TPRG1: variants seen among roughly 807,000 people sequenced by gnomAD.
TPRG1 encodes the protein tumor protein p63-regulated gene 1 protein.
Under a neutral mutation model 29.3 loss-of-function variants are expected in TPRG1, and 29 were observed. That is an observed-to-expected ratio of 0.99 (90% CI 0.74 to 1.35). The LOEUF (loss-of-function observed/expected upper bound fraction) is 1.35. Among genes scored for constraint, TPRG1 ranks in the 40% most tolerant of loss-of-function variants. The pLI is 0.00. For synonymous variants in TPRG1, 130 were observed against 116.8 expected (o/e 1.11, Z -0.73); for missense variants, 327 against 335.0 (o/e 0.98, Z 0.19).
chr3:189,270,147 C>T (rs1411460717), intron 4 of TPRG1, among the ~76,000 whole-genome samples: 1 of 150,532 alleles, frequency 6.6e-6, no homozygotes. Flanking sequence ...TTTAAAATTG[C>T]TTTCTGGCTA....
intron 4 of TPRG1, among the ~76,000 whole-genome samples, chr3:189,297,345 A>G (rs576095777): frequency 6.6e-6 from 1 of 152,108 alleles, no homozygotes; most frequent in Non-Finnish European, 1.5e-5. Flanking sequence ...CATGCCTTTC[A>G]CTTCTCATTC....
At chr3:189,072,940 G>A (rs1716897761) in intron 4 of TPRG1, among the ~76,000 whole-genome samples, 1 of 152,090 alleles carries the variant, frequency 6.6e-6, no homozygotes, top group African/African-American at 2.4e-5. Context: ...ATGCTTCTGT[G>A]TATTGTTATA....
Position 189,258,936 on chromosome 3 carries a change from G to A in TPRG1, c.479+20027G>A, listed in dbSNP as rs560702497. ...CAAGCCAGTGGATCTTAGCTTGCTG[G>A]GCTCCATGCGGGTGGGATCCACTGA... On this transcript the variant is annotated intron_variant, in intron 4 of 5. Coordinates refer to ENST00000345063, the MANE Select transcript of TPRG1 (RefSeq NM_198485.4). Among the ~76,000 whole-genome samples the A allele has an allele frequency of 8.5e-5, 13 of 152,284 alleles. No individual in the cohort carries two copies. In the South Asian group the frequency reaches 2.1e-3, roughly 24 times the overall value.
intron 3 of TPRG1, among the ~76,000 whole-genome samples, chr3:189,134,491 C>T (rs558042059): frequency 4.3e-4 from 63 of 146,682 alleles, no homozygotes; most frequent in African/African-American, 1.5e-3. Flanking sequence ...TAGCTCACTG[C>T]GGCCTTGACT....
intron 4 of TPRG1, among the ~76,000 whole-genome samples, chr3:189,252,820 A>G (rs1742502042): frequency 6.6e-6 from 1 of 152,212 alleles, no homozygotes; most frequent in African/African-American, 2.4e-5. Context: ...TTTCATTTAA[A>G]GAGTTTTAAA....
intron 4 of TPRG1, among the ~76,000 whole-genome samples, chr3:189,033,844 G>A (rs1714092228): frequency 6.6e-6 from 1 of 152,112 alleles, no homozygotes; most frequent in African/African-American, 2.4e-5. Context: ...CCAAAGTGCT[G>A]GGATTACAGG....
intron 4 of TPRG1, among the ~76,000 whole-genome samples, chr3:189,024,918 G>A (rs537273419): frequency 8.5e-5 from 13 of 152,344 alleles, no homozygotes; most frequent in Admixed American, 2.6e-4. Flanking sequence ...CAGGGGCTTC[G>A]TCCCATCTCA....
intron 4 of TPRG1, among the ~76,000 whole-genome samples, chr3:189,257,719 T>C (rs1408347055): frequency 6.6e-6 from 1 of 152,226 alleles, no homozygotes; most frequent in African/African-American, 2.4e-5. Flanking sequence ...CATCCTTTTT[T>C]CTCTAATCTT....
intron 3 of TPRG1, among the ~76,000 whole-genome samples, chr3:189,010,640 G>A (rs1486767254): frequency 6.6e-6 from 1 of 151,800 alleles, no homozygotes; most frequent in Non-Finnish European, 1.5e-5. Context: ...TTTTTCTTTT[G>A]TAAATATGTT....
intron 1 of TPRG1, among the ~76,000 whole-genome samples, chr3:188,997,336 C>T (rs1452282031): frequency 6.6e-6 from 1 of 152,074 alleles, no homozygotes; most frequent in East Asian, 1.9e-4. Flanking sequence ...TGTCACTTTT[C>T]CCCTGGGGCT....
intron 5 of TPRG1, among the ~76,000 whole-genome samples, chr3:189,319,946 G>A (rs578065172): frequency 6.6e-6 from 1 of 152,084 alleles, no homozygotes; most frequent in East Asian, 1.9e-4. Flanking sequence ...CACGTAACTA[G>A]CTCTTTTTCA....
At chr3:189,295,751 T>C (rs548604599) in intron 4 of TPRG1, among the ~76,000 whole-genome samples, 1 of 152,268 alleles carries the variant, frequency 6.6e-6, no homozygotes, top group Non-Finnish European at 1.5e-5. Context: ...CAGGATTAAT[T>C]AAAGACCGTG....
At position 189,255,892 on chromosome 3, in the gene TPRG1, A is replaced by T. The variant is rs1457923777; in HGVS notation, c.479+16983A>T. On this transcript the variant is annotated intron_variant, in intron 4 of 5. Coordinates refer to ENST00000345063, the MANE Select transcript of TPRG1 (RefSeq NM_198485.4). ...ATCTCCCTTTTATCATTTTTTGTTT[A>T]TTGTATTTATCATTCTTTATTAGTC... Among the ~76,000 whole-genome samples, 3 of 147,466 alleles carry T rather than the reference A, an allele frequency of 2.0e-5. No individual in the cohort carries two copies. In the South Asian group the frequency reaches 6.3e-4, roughly 31 times the overall value.
At chr3:189,146,502 AG>A (rs1327440166) in intron 3 of TPRG1, among the ~76,000 whole-genome samples, 1 of 152,214 alleles carries the variant, frequency 6.6e-6, no homozygotes, top group Admixed American at 6.5e-5. Flanking sequence ...CAGGAAGGCA[AG>A]GACCTGCAAT....
intron 1 of TPRG1, among the ~76,000 whole-genome samples, chr3:189,201,507 G>A (rs1437617553): frequency 6.6e-6 from 1 of 152,192 alleles, no homozygotes; most frequent in Non-Finnish European, 1.5e-5. Context: ...AAGGGGGCAG[G>A]TAGTGCTGAA....
intron 4 of TPRG1, among the ~76,000 whole-genome samples, chr3:189,299,558 T>C (rs761963369): frequency 6.6e-6 from 1 of 151,024 alleles, no homozygotes; most frequent in African/African-American, 2.4e-5. Context: ...TAATGAAAAA[T>C]AAAAACAGCT....
intron 3 of TPRG1, among the ~76,000 whole-genome samples, chr3:189,238,247 T>G (rs1334713455): frequency 6.6e-6 from 1 of 152,250 alleles, no homozygotes; most frequent in African/African-American, 2.4e-5. Flanking sequence ...AGCGGACCTG[T>G]GTTCCAGTCT....
intron 4 of TPRG1, among the ~76,000 whole-genome samples, chr3:189,253,007 GT>G (rs780206887): frequency 3.8e-4 from 58 of 152,072 alleles, no homozygotes; most frequent in Non-Finnish European, 7.5e-4. Context: ...GTAAATCCCA[GT>G]TTTTGATATT....
chr3:189,206,624 C>T (rs1337162091), intron 1 of TPRG1, among the ~76,000 whole-genome samples: 1 of 151,844 alleles, frequency 6.6e-6, no homozygotes, highest in Non-Finnish European at 1.5e-5. Context: ...CCTCAGCCTA[C>T]CGAGTAGCTG....
Sources: gnomAD v4.1 joint callset for allele counts (sites outside exome capture counted in the v4.1 genomes callset) on GRCh38, gnomAD v4.1.1 for gene constraint, MANE v1.5 for transcripts, NCBI Gene and HGNC (gene_info 2026-07-23, HGNC 2026-07-21) for gene names.